The following CTPS2 variants were observed in gnomAD, a reference collection of about 807,000 sequenced individuals.
CTPS2 encodes the protein CTP synthase II.
A neutral mutation model predicts 46.8 loss-of-function variants in CTPS2; 19 were observed. That is an observed-to-expected ratio of 0.41 (90% CI 0.28 to 0.60). The LOEUF is 0.60. CTPS2 is among the 20% of genes least tolerant of loss of function. CTPS2 has a pLI of 0.35. For missense variants in CTPS2, 286 were observed against 447.6 expected (o/e 0.64, Z 3.26); for synonymous variants, 151 against 165.2 (o/e 0.91, Z 0.66).
At chrX:16,644,139 CTT>C (rs1204273446) in intron 13 of CTPS2, among the ~76,000 whole-genome samples, 2 of 102,914 alleles carry the variant, frequency 1.9e-5, no homozygotes, top group African/African-American at 3.5e-5. Context: ...AGTTGAGGAT[CTT>C]TTTTTTTTTT....
At chrX:16,619,534 G>A (rs1211607161) in intron 15 of CTPS2, among the ~76,000 whole-genome samples, 2 of 111,087 alleles carry the variant, frequency 1.8e-5, no homozygotes, top group Non-Finnish European at 3.8e-5. Context: ...GGGTAGGGCT[G>A]AGATAACCAC....
At chrX:16,618,073 C>T (rs1165973360) in intron 15 of CTPS2, among the ~76,000 whole-genome samples, 1 of 111,369 alleles carries the variant, frequency 9.0e-6, no homozygotes, top group East Asian at 2.8e-4. Context: ...AACCCTGTAC[C>T]CTTTAACCTC....
intron 1 of CTPS2, among the ~76,000 whole-genome samples, chrX:16,703,740 A>G (rs1286999540): frequency 1.8e-5 from 2 of 111,563 alleles, no homozygotes; most frequent in Non-Finnish European, 3.8e-5. Flanking sequence ...CTATACAGAA[A>G]GCTGTAGATA....
rs764306581 is a variant in CTPS2, at chrX:16,699,180, A to T, written c.167-87T>A. Reference sequence around the variant, plus strand: ...GACATATTTTTGTTAAAAAGCTGGTAAAAGATGTATTTGTAAGCCATATTC... The same window carrying T: ...GACATATTTTTGTTAAAAAGCTGGTTAAAGATGTATTTGTAAGCCATATTC... On this transcript the variant is annotated intron_variant, in intron 2 of 18. Coordinates refer to ENST00000359276, the MANE Select transcript of CTPS2 (RefSeq NM_175859.3). 630 of 670,247 alleles carry T rather than the reference A, an allele frequency of 9.4e-4. 1 individual carries two copies. Among genetic ancestry groups the T allele is most frequent in the Non-Finnish European group, 1.1e-3 (522 of 461,885 alleles). 55.2% of individuals were successfully genotyped at this position (670,247 alleles called of 1,213,427 possible). A position where few individuals can be genotyped will look rare whatever the true frequency, so the allele number is the denominator to read the frequency against.
At chrX:16,668,662 A>AAGGAAGG (rs1236449055) in intron 11 of CTPS2, among the ~76,000 whole-genome samples, 9 of 99,809 alleles carry the variant, frequency 9.0e-5, no homozygotes, top group African/African-American at 3.3e-4. Flanking sequence ...GGAAGGAAGG[A>AAGGAAGG]AGGAAGGAAG....
chrX:16,593,195 C>T (rs1929006191), intron 17 of CTPS2, among the ~76,000 whole-genome samples: 1 of 111,520 alleles, frequency 9.0e-6, no homozygotes, highest in South Asian at 3.8e-4. Flanking sequence ...GTTGGGAGGC[C>T]AAGGTGGGCG....
In CTPS2 at chrX:16,646,954, C is replaced by T. The variant is rs971983420; in HGVS notation, c.1297-7711G>A. On this transcript the variant is annotated intron_variant, in intron 13 of 18. Coordinates refer to ENST00000359276, the MANE Select transcript of CTPS2 (RefSeq NM_175859.3). Reference sequence around the variant, plus strand: ...CCACCCTTGTGCCTGTCGTTTCCCCCCTTCTCTGGTTTCAAAACGCACTCT... The same window carrying T: ...CCACCCTTGTGCCTGTCGTTTCCCCTCTTCTCTGGTTTCAAAACGCACTCT... Among the ~76,000 whole-genome samples the T allele has an allele frequency of 8.9e-5, 10 of 112,051 alleles. 1 individual carries two copies. The highest frequency in any genetic ancestry group is 2.9e-4 in the African/African-American group (9 of 30,903).
At chrX:16,626,021 C>T (rs1410952881) in intron 14 of CTPS2, among the ~76,000 whole-genome samples, 3 of 111,477 alleles carry the variant, frequency 2.7e-5, no homozygotes, top group Middle Eastern at 4.6e-3. Context: ...GCCAGAGAAT[C>T]GCCCTCTTCT....
chrX:16,655,282 C>A (rs370919245), intron 13 of CTPS2, among the ~76,000 whole-genome samples: 1 of 112,024 alleles, frequency 8.9e-6, no homozygotes, highest in South Asian at 3.7e-4. Context: ...TCGGGTCTAC[C>A]AGCCTAACGC....
intron 4 of CTPS2, among the ~76,000 whole-genome samples, chrX:16,695,522 T>TTTTTTC (rs1432996613): frequency 8.9e-6 from 1 of 112,042 alleles, no homozygotes; most frequent in Non-Finnish European, 1.9e-5. Context: ...AATGAAAGTC[T>TTTTTTC]TTTTTCTTTT....
chrX:16,588,472 T>A lies in CTPS2; in HGVS notation c.*1345A>T, dbSNP rs1386283017. ...ACTAAAGCCTCGAGGTTAGCAGGTA[T>A]GGTGTCAATGAGGTAGTAGTATGGG... On this transcript the variant is annotated 3_prime_UTR_variant, in exon 19 of 19. Transcript: ENST00000359276. The A allele has an allele frequency of 9.0e-6, 1 of 111,582 alleles. No individual in the cohort carries two copies. The highest frequency in any genetic ancestry group is 1.9e-5 in the Non-Finnish European group (1 of 53,163). 9.2% of individuals were successfully genotyped at this position (111,582 alleles called of 1,213,427 possible). A position where few individuals can be genotyped will look rare whatever the true frequency, so the allele number is the denominator to read the frequency against.
At chrX:16,596,903 A>G (rs770123019) in intron 17 of CTPS2, among the ~76,000 whole-genome samples, 2,330 of 104,414 alleles carry the variant, frequency 0.022, 38 homozygotes, top group Middle Eastern at 0.058. Context: ...GTGTGAGATG[A>G]TATCTCATTG....
intron 15 of CTPS2, among the ~76,000 whole-genome samples, chrX:16,619,504 C>T (rs558448768): frequency 9.0e-6 from 1 of 111,135 alleles, no homozygotes; most frequent in South Asian, 3.9e-4. Flanking sequence ...AGCTAAAGGA[C>T]GAAGCAGACA....
At chrX:16,673,309 C>A (rs1333098664) in intron 10 of CTPS2, among the ~76,000 whole-genome samples, 1 of 111,336 alleles carries the variant, frequency 9.0e-6, no homozygotes, top group Non-Finnish European at 1.9e-5. Context: ...GCTGTTCAAG[C>A]CACCCCAGCA....
intron 8 of CTPS2, among the ~76,000 whole-genome samples, chrX:16,685,039 C>T (rs1324533493): frequency 5.4e-5 from 6 of 110,713 alleles, no homozygotes; most frequent in Non-Finnish European, 7.6e-5. Flanking sequence ...TGCAGTGAAC[C>T]GAGATCATGC....
Position 16,678,414 on chromosome X carries a change from T to C in CTPS2, c.1042A>G (p.Thr348Ala), listed in dbSNP as rs752853196. The C allele has an allele frequency of 4.2e-6, 5 of 1,201,412 alleles. No homozygotes were observed. The East Asian group carries it at 1.5e-4, about 36-fold the overall frequency. ...TCATGAAATTTCACAGGGTCCTCGG[T>C]TTCAGTGATCTTCTCCAGATCAATG... The part of the protein sequence containing the change: ...DSIDLEKITE[T>A]EDPVKFHEAW... The change falls in exon 10 of 19, where the codon ACC becomes GCC. Residue 348 changes from threonine to alanine, a missense_variant. Physicochemically the swap from Thr to Ala is moderately conservative, Grantham distance 58. Transcript: ENST00000359276.
At chrX:16,592,674 ACT>A (rs1200294031) in intron 17 of CTPS2, among the ~76,000 whole-genome samples, 1 of 111,207 alleles carries the variant, frequency 9.0e-6, no homozygotes, top group African/African-American at 3.3e-5. Flanking sequence ...ATGTTAACGC[ACT>A]CTCTACACTT....
At chrX:16,701,673 C>T (rs1924574686) in intron 2 of CTPS2, among the ~76,000 whole-genome samples, 1 of 108,684 alleles carries the variant, frequency 9.2e-6, no homozygotes, top group Admixed American at 9.8e-5. Context: ...GCAATCTCGG[C>T]TCACTGCAAG....
chrX:16,673,685 A>G (rs1450830091), intron 10 of CTPS2, among the ~76,000 whole-genome samples: 1 of 112,436 alleles, frequency 8.9e-6, no homozygotes, highest in Non-Finnish European at 1.9e-5. Context: ...ACATAACTTT[A>G]GTAATCTTTG....
Sources: gnomAD v4.1 joint callset for allele counts (sites outside exome capture counted in the v4.1 genomes callset) on GRCh38, gnomAD v4.1.1 for gene constraint, MANE v1.5 for transcripts, NCBI Gene and HGNC (gene_info 2026-07-23, HGNC 2026-07-21) for gene names.